TXK: variants seen among roughly 807,000 people sequenced by gnomAD.
TXK encodes TXK tyrosine kinase.
TXK carries 60 observed loss-of-function variants against 81.0 expected under a neutral mutation model. The observed-to-expected ratio is 0.74, with a 90% confidence interval of 0.60 to 0.92. The LOEUF (loss-of-function observed/expected upper bound fraction) is 0.92. TXK is among the 40% of genes least tolerant of loss of function. The pLI, the probability that TXK is intolerant of heterozygous loss-of-function variation, is 0.00. For synonymous variants in TXK, 203 were observed against 210.7 expected (o/e 0.96, Z 0.32); for missense variants, 581 against 638.3 (o/e 0.91, Z 0.97).
intron 7 of TXK, among the ~76,000 whole-genome samples, chr4:48,094,472 T>A (rs1243437460): frequency 1.3e-5 from 2 of 152,326 alleles, no homozygotes; most frequent in South Asian, 2.1e-4. Flanking sequence ...AATGAATACA[T>A]GTAAGTACAT....
chr4:48,119,873 T>C (rs558720579), intron 1 of TXK, among the ~76,000 whole-genome samples: 1 of 152,182 alleles, frequency 6.6e-6, no homozygotes, highest in Non-Finnish European at 1.5e-5. Flanking sequence ...GAGCCCCAAA[T>C]AGATCTGTAT....
At chr4:48,114,630 T>C in intron 1 of TXK, 1 of 551,012 alleles carries the variant, frequency 1.8e-6, no homozygotes, top group South Asian at 2.1e-5. Flanking sequence ...GCCTGGTTTT[T>C]GCATTTCCTC....
chr4:48,068,430 G>A (rs1401672502), intron 14 of TXK, among the ~76,000 whole-genome samples: 1 of 152,204 alleles, frequency 6.6e-6, no homozygotes, highest in Non-Finnish European at 1.5e-5. Flanking sequence ...GACTTTGAAG[G>A]TCTTGGGGCA....
In TXK at chr4:48,071,392, A is replaced by G. The variant is rs903428790; in HGVS notation, c.1515+125T>C. The G allele has an allele frequency of 7.3e-6, 7 of 957,558 alleles. No individual in the cohort carries two copies. The African/African-American group carries it at 9.8e-5, about 13-fold the overall frequency. The allele number at this position is 957,558 out of a possible 1,614,324, so 59.3% of individuals were successfully genotyped here. ...TGAGATAGTACTTCAGACTCTCAGG[A>G]TCATGACCAAGACACAGATGCCTTT... is the stretch of plus-strand genomic sequence containing the variant. On this transcript the variant is annotated intron_variant, in intron 14 of 14. Coordinates refer to ENST00000264316, the MANE Select transcript of TXK (RefSeq NM_003328.3).
chr4:48,094,680 A>G (rs1418714797), intron 7 of TXK, among the ~76,000 whole-genome samples: 1 of 152,192 alleles, frequency 6.6e-6, no homozygotes, highest in Non-Finnish European at 1.5e-5. Context: ...TGAAGTGCAA[A>G]GAAGCTGAGA....
chr4:48,132,160 CAGAAATGTAAAAACTTGACTTTTTT>C (rs1464694227), intron 1 of TXK, among the ~76,000 whole-genome samples: 1 of 151,332 alleles, frequency 6.6e-6, no homozygotes, highest in Non-Finnish European at 1.5e-5. Flanking sequence ...ACTTAAAAGT[CAGAAATGTAAAAACTTGACTTTTTT>C]AGCTGGTCTT....
intron 11 of TXK, among the ~76,000 whole-genome samples, chr4:48,078,472 C>G (rs77065556): frequency 1.3e-5 from 2 of 152,160 alleles, no homozygotes; most frequent in East Asian, 3.8e-4. Context: ...ATAGACTTCT[C>G]CAATTCTCAT....
chr4:48,079,597 A>C (rs1266179466), intron 11 of TXK, among the ~76,000 whole-genome samples: 1 of 152,150 alleles, frequency 6.6e-6, no homozygotes, highest in Non-Finnish European at 1.5e-5. Flanking sequence ...GGGGAGACTG[A>C]TATGAGTAAT....
intron 9 of TXK, among the ~76,000 whole-genome samples, chr4:48,087,037 G>A (rs992270997): frequency 5.9e-5 from 9 of 151,872 alleles, no homozygotes; most frequent in Non-Finnish European, 1.0e-4. Context: ...TGTGATTTCA[G>A]TTCTTCCTGT....
rs150248155 is a variant in TXK, at chr4:48,088,425, G to GC, written c.784+1324dup. Among the ~76,000 whole-genome samples, 309 of 152,266 alleles carry GC rather than the reference G, an allele frequency of 2.0e-3. 9 individuals carry two copies. In the East Asian group the frequency reaches 0.054, roughly 26 times the overall value. ...CCAAAAATTGGTAACAACCCGAATG[G>GC]CCATCTACAAGAAGCATGGCTAAAT... On this transcript the variant is annotated intron_variant, in intron 9 of 14. Transcript: ENST00000264316.
intron 9 of TXK, among the ~76,000 whole-genome samples, chr4:48,088,888 C>T (rs1717640499): frequency 6.6e-6 from 1 of 152,088 alleles, no homozygotes; most frequent in African/African-American, 2.4e-5. Flanking sequence ...TTTTTCAGTA[C>T]ATTCTGAATC....
At chr4:48,085,641 TG>T (rs1717492945) in intron 10 of TXK, among the ~76,000 whole-genome samples, 1 of 151,878 alleles carries the variant, frequency 6.6e-6, no homozygotes, top group South Asian at 2.1e-4. Context: ...ACCCCTGTAC[TG>T]TGCCCATATA....
At chr4:48,083,233 A>C (rs1717379010) in intron 10 of TXK, among the ~76,000 whole-genome samples, 2 of 152,158 alleles carry the variant, frequency 1.3e-5, no homozygotes, top group Non-Finnish European at 2.9e-5. Flanking sequence ...TGATTCCTGC[A>C]CCTGCCCATC....
At chr4:48,083,159 T>G (rs1317721729) in intron 10 of TXK, among the ~76,000 whole-genome samples, 1 of 152,174 alleles carries the variant, frequency 6.6e-6, no homozygotes, top group East Asian at 1.9e-4. Context: ...CACTTGGGCT[T>G]TGGGAGTTGC....
intron 10 of TXK, among the ~76,000 whole-genome samples, chr4:48,084,605 T>G (rs1435652123): frequency 6.6e-6 from 1 of 152,210 alleles, no homozygotes; most frequent in Non-Finnish European, 1.5e-5. Context: ...CACGGTAGGA[T>G]GCAGATATCT....
At chr4:48,104,818 A>C (rs1270238133) in intron 6 of TXK, 83 bp downstream of exon 6, 19 of 1,063,342 alleles carry the variant, frequency 1.8e-5, no homozygotes, top group Non-Finnish European at 2.5e-5. Context: ...AAAGACAAGA[A>C]ATAATATACT....
At chr4:48,125,691 A>C (rs531824496) in intron 1 of TXK, among the ~76,000 whole-genome samples, 2 of 152,330 alleles carry the variant, frequency 1.3e-5, no homozygotes, top group South Asian at 4.1e-4. Flanking sequence ...AGGCGTGTAC[A>C]TGTTTGTAAG....
chr4:48,095,039 G>T, intron 7 of TXK, 104 bp downstream of exon 7: 2 of 980,692 alleles, frequency 2.0e-6, no homozygotes, highest in Non-Finnish European at 1.6e-6. Flanking sequence ...CTAACTTCCA[G>T]GTCAACAATC....
chr4:48,102,801 T>C (rs1382256143), intron 6 of TXK, among the ~76,000 whole-genome samples: 1 of 152,242 alleles, frequency 6.6e-6, no homozygotes, highest in Non-Finnish European at 1.5e-5. Flanking sequence ...ATAGTATATG[T>C]ACCCATAACG....
Sources: allele counts gnomAD v4.1 joint callset (sites outside exome capture counted in the v4.1 genomes callset), GRCh38; gene constraint gnomAD v4.1.1; transcripts MANE v1.5; gene names NCBI Gene and HGNC (gene_info 2026-07-23, HGNC 2026-07-21).